Variants in TRHDE observed in about 807,000 individuals in gnomAD.
The protein encoded by TRHDE is thyrotropin releasing hormone degrading enzyme.
In TRHDE, 72 loss-of-function variants were observed where a neutral mutation model predicts 125.7. The observed-to-expected ratio is 0.57, with a 90% CI of 0.47 to 0.70. The LOEUF (loss-of-function observed/expected upper bound fraction) is 0.70. Ranked by LOEUF, TRHDE falls within the 30% of genes least tolerant of loss-of-function variation. TRHDE has a pLI of 0.00. For synonymous variants in TRHDE, 509 were observed against 509.1 expected (o/e 1.00, Z 0.00); for missense variants, 1,110 against 1,327.1 (o/e 0.84, Z 2.54).
chr12:72,236,268 G>A lies in TRHDE; in HGVS notation n.279+130516G>A, dbSNP rs886694459. ...AGTTGCAGCTATACTATGAAAACAA[G>A]TATTCAATTAAAGATGTTATTCATG... On this transcript the variant is annotated intron_variant and non_coding_transcript_variant, in intron 2 of 4. Transcript: ENST00000548156. Among the ~76,000 whole-genome samples the A allele has an allele frequency of 1.0e-3, 153 of 152,252 alleles. No homozygotes were observed. In the Middle Eastern group the frequency reaches 0.014, roughly 14 times the overall value.
intron 3 of TRHDE, among the ~76,000 whole-genome samples, chr12:72,445,133 C>T (rs550490550): frequency 2.7e-4 from 41 of 151,764 alleles, no homozygotes; most frequent in African/African-American, 9.4e-4. Context: ...ACTGAAATAT[C>T]AGACATTGAG....
intron 2 of TRHDE, among the ~76,000 whole-genome samples, chr12:72,352,936 G>A (rs1357608741): frequency 2.7e-5 from 4 of 150,332 alleles, no homozygotes; most frequent in Non-Finnish European, 4.4e-5. Context: ...GACAGAATTT[G>A]TACCTCTTCT....
intron 12 of TRHDE, among the ~76,000 whole-genome samples, chr12:72,597,748 T>TGC (rs1565804796): frequency 1.1e-4 from 1 of 9,362 alleles, no homozygotes; most frequent in African/African-American, 2.7e-4. Context: ...TATATATATA[T>TGC]ATATATATAT....
intron 2 of TRHDE, among the ~76,000 whole-genome samples, chr12:72,359,239 A>G (rs1870959369): frequency 6.6e-6 from 1 of 151,666 alleles, no homozygotes; most frequent in African/African-American, 2.4e-5. Flanking sequence ...AACATTATTC[A>G]TGATACAATT....
intron 3 of TRHDE, among the ~76,000 whole-genome samples, chr12:72,405,090 T>C (rs1179333788): frequency 1.3e-5 from 2 of 152,200 alleles, no homozygotes; most frequent in African/African-American, 2.4e-5. Context: ...GTTTAATGTG[T>C]GTGCTAAGGA....
intron 2 of TRHDE, among the ~76,000 whole-genome samples, chr12:72,224,996 C>T (rs1878094859): frequency 1.3e-5 from 2 of 152,070 alleles, no homozygotes; most frequent in South Asian, 4.1e-4. Flanking sequence ...TTTAGGTTTA[C>T]TTTGATACTA....
At chr12:72,157,292 G>A (rs1202261094) in intron 2 of TRHDE, among the ~76,000 whole-genome samples, 1 of 152,064 alleles carries the variant, frequency 6.6e-6, no homozygotes, top group African/African-American at 2.4e-5. Context: ...CATGGTGAGG[G>A]TTTTAGTTTT....
chr12:72,258,750 T>A (rs1304980930), intron 2 of TRHDE, among the ~76,000 whole-genome samples: 2 of 152,204 alleles, frequency 1.3e-5, no homozygotes, highest in Non-Finnish European at 2.9e-5. Flanking sequence ...TTAGTCTGAA[T>A]GAGTTCTGCA....
chr12:72,187,465 G>T (rs71456091), intron 2 of TRHDE, among the ~76,000 whole-genome samples: 6,324 of 145,802 alleles, frequency 0.043, 298 homozygotes, highest in African/African-American at 0.099. Flanking sequence ...TGGTGGTGGT[G>T]GTGGTTGTGG....
Position 72,159,132 on chromosome 12 carries a change from G to A in TRHDE, n.279+53380G>A, listed in dbSNP as rs898960701. On this transcript the variant is annotated intron_variant and non_coding_transcript_variant, in intron 2 of 4. Coordinates refer to the TRHDE transcript ENST00000548156. ...AATATATTTATTGACTATGTAACAT[G>A]TACCAATCACTAGCAAATGCTAAGA... Among the ~76,000 whole-genome samples the A allele has an allele frequency of 7.9e-5, 12 of 152,236 alleles. No homozygotes were observed. The South Asian group carries it at 2.1e-3, about 26-fold the overall frequency.
chr12:72,318,239 GGA>G (rs1868901406), intron 2 of TRHDE, among the ~76,000 whole-genome samples: 1 of 152,058 alleles, frequency 6.6e-6, no homozygotes. Context: ...ATGATTTTGT[GGA>G]GAGTCCAAAG....
intron 2 of TRHDE, among the ~76,000 whole-genome samples, chr12:72,324,515 T>G (rs1869249004): frequency 6.6e-6 from 1 of 152,086 alleles, no homozygotes; most frequent in African/African-American, 2.4e-5. Context: ...AAGTCAGACA[T>G]GAGCTGAATA....
chr12:72,534,148 A>G (rs1378926097), intron 6 of TRHDE, among the ~76,000 whole-genome samples: 3 of 152,204 alleles, frequency 2.0e-5, no homozygotes, highest in Non-Finnish European at 4.4e-5. Context: ...ATCATCAACA[A>G]CTAACAGATA....
intron 2 of TRHDE, among the ~76,000 whole-genome samples, chr12:72,363,288 C>T (rs1316858138): frequency 2.9e-5 from 4 of 138,322 alleles, no homozygotes; most frequent in African/African-American, 8.1e-5. Context: ...CAGCATCATC[C>T]TGATACCAAA....
At chr12:72,634,486 CTT>C (rs982351523) in intron 15 of TRHDE, among the ~76,000 whole-genome samples, 1 of 148,782 alleles carries the variant, frequency 6.7e-6, no homozygotes, top group African/African-American at 2.5e-5. Context: ...GGGAAAACAT[CTT>C]TTTTTTTAAT....
chr12:72,471,012 G>T (rs1413328566), intron 4 of TRHDE, among the ~76,000 whole-genome samples: 1 of 151,480 alleles, frequency 6.6e-6, no homozygotes, highest in Non-Finnish European at 1.5e-5. Context: ...AAGTATCTGG[G>T]ACTACAGGTG....
intron 3 of TRHDE, among the ~76,000 whole-genome samples, chr12:72,399,343 G>T (rs937715926): frequency 2.0e-5 from 3 of 152,182 alleles, no homozygotes; most frequent in African/African-American, 4.8e-5. Flanking sequence ...GTTTGCAAGA[G>T]AGGAATATCA....
At chr12:72,398,837 T>C (rs1016868106) in intron 3 of TRHDE, among the ~76,000 whole-genome samples, 1 of 152,234 alleles carries the variant, frequency 6.6e-6, no homozygotes, top group African/African-American at 2.4e-5. Flanking sequence ...AGTTGTTAGA[T>C]GCTTTACGTT....
intron 2 of TRHDE, among the ~76,000 whole-genome samples, chr12:72,358,108 T>G (rs957149910): frequency 1.3e-5 from 2 of 151,632 alleles, no homozygotes; most frequent in Non-Finnish European, 3.0e-5. Context: ...TATAAGGAGA[T>G]AGTGTAAAAG....
Sources: allele counts gnomAD v4.1 joint callset (sites outside exome capture counted in the v4.1 genomes callset), GRCh38; gene constraint gnomAD v4.1.1; transcripts MANE v1.5; gene names NCBI Gene and HGNC (gene_info 2026-07-23, HGNC 2026-07-21).